The following GPRIN3 variants were observed in gnomAD, a reference collection of about 807,000 sequenced individuals.
GPRIN3 encodes G protein-regulated inducer of neurite outgrowth 3.
A neutral mutation model predicts 13.7 loss-of-function variants in GPRIN3; 12 were observed. That is an observed-to-expected ratio of 0.87 (90% CI 0.56 to 1.42). The LOEUF (loss-of-function observed/expected upper bound fraction) is 1.42, where lower values mean the gene tolerates loss of function less well. Ranked by LOEUF, GPRIN3 falls within the 40% of genes most tolerant of loss-of-function variation. The pLI, the probability that GPRIN3 is intolerant of heterozygous loss-of-function variation, is 0.00. For synonymous variants in GPRIN3, 377 were observed against 372.7 expected (o/e 1.01, Z -0.13); for missense variants, 1,009 against 958.7 (o/e 1.05, Z -0.69).
Position 89,239,353 on chromosome 4 carries a change from T to A in GPRIN3, c.*8427A>T, listed in dbSNP as rs1235376453. 6.6e-6 allele frequency: 1 copy of A among 152,152 alleles called. No homozygotes were observed. The highest frequency in any genetic ancestry group is 1.9e-4 in the East Asian group (1 of 5,190). The allele number at this position is 152,152 out of a possible 1,614,324, so 9.4% of individuals were successfully genotyped here. On this transcript the variant is annotated 3_prime_UTR_variant, in exon 2 of 2. Transcript: ENST00000609438. ...TATTATTCAAATTAATACACATCTTTCAAAAATAATCACATAAATTTATCT... is the reference window on the plus strand; with the variant it reads ...TATTATTCAAATTAATACACATCTTACAAAAATAATCACATAAATTTATCT...
chr4:89,287,480 C>A (rs1173041965), intron 1 of GPRIN3, among the ~76,000 whole-genome samples: 1 of 152,092 alleles, frequency 6.6e-6, no homozygotes, highest in African/African-American at 2.4e-5. Context: ...AAAAGCTGAG[C>A]CTTTGGGCAG....
chr4:89,306,664 T>TC (rs1345052948), intron 1 of GPRIN3, among the ~76,000 whole-genome samples: 1 of 152,126 alleles, frequency 6.6e-6, no homozygotes, highest in African/African-American at 2.4e-5. Flanking sequence ...GCTCTGTTTC[T>TC]CCCCTCCCCC....
chr4:89,250,999 T>C (rs1412279134), intron 1 of GPRIN3: 2 of 152,132 alleles, frequency 1.3e-5, no homozygotes, highest in East Asian at 3.8e-4. Context: ...ACCTGAATTT[T>C]ATGGCATGAC....
intron 1 of GPRIN3, among the ~76,000 whole-genome samples, chr4:89,301,263 T>A (rs1015426426): frequency 1.4e-4 from 22 of 151,986 alleles, no homozygotes; most frequent in African/African-American, 4.6e-4. Context: ...ACAACAATTT[T>A]AAAAAAATGT....
intron 1 of GPRIN3, among the ~76,000 whole-genome samples, chr4:89,283,999 G>T (rs570935200): frequency 6.6e-6 from 1 of 152,330 alleles, no homozygotes; most frequent in Admixed American, 6.5e-5. Flanking sequence ...AATCAGCTGT[G>T]CCCTCTGATT....
intron 1 of GPRIN3, among the ~76,000 whole-genome samples, chr4:89,268,963 A>G (rs1723854879): frequency 6.6e-6 from 1 of 152,210 alleles, no homozygotes. Flanking sequence ...AATGACTGTT[A>G]AGATAAACTT....
rs1722803516 is a variant in GPRIN3, at chr4:89,236,779, T to C, written c.*11001A>G. 6.6e-6 allele frequency: 1 copy of C among 152,306 alleles called. No individual in the cohort carries two copies. Among genetic ancestry groups the C allele is most frequent in the South Asian group, 2.1e-4 (1 of 4,828 alleles). The allele number at this position is 152,306 out of a possible 1,614,324, so 9.4% of individuals were successfully genotyped here. ...CCACAATATCTCTGTGATCATCCAA[T>C]TTATATGTCTCAAGTATCTGTGCCA... On this transcript the variant is annotated 3_prime_UTR_variant, in exon 2 of 2. Transcript: ENST00000609438.
chr4:89,263,833 T>G (rs1047313659), intron 1 of GPRIN3, among the ~76,000 whole-genome samples: 1 of 152,048 alleles, frequency 6.6e-6, no homozygotes, highest in African/African-American at 2.4e-5. Context: ...AGTAGCAGAG[T>G]TGAAATTCAA....
At chr4:89,286,081 A>ATGTGTG (rs148319671) in intron 1 of GPRIN3, among the ~76,000 whole-genome samples, 17 of 136,448 alleles carry the variant, frequency 1.2e-4, no homozygotes, top group Admixed American at 2.9e-4. Flanking sequence ...GTGTACGTGT[A>ATGTGTG]TGTGTGTGTG....
Position 89,241,711 on chromosome 4 carries a change from A to G in GPRIN3, c.*6069T>C, listed in dbSNP as rs987641465. ...GACACGATGGAAAACATTAGGAAAA[A>G]TAAGTTACGTAAAGATGTGATCTAA... On this transcript the variant is annotated 3_prime_UTR_variant, in exon 2 of 2. Coordinates refer to ENST00000609438, the MANE Select transcript of GPRIN3 (RefSeq NM_198281.3). 1 of 152,194 alleles carries G rather than the reference A, an allele frequency of 6.6e-6. No individual in the cohort carries two copies. The highest frequency in any genetic ancestry group is 2.4e-5 in the African/African-American group (1 of 41,446). 9.4% of individuals were successfully genotyped at this position (152,194 alleles called of 1,614,324 possible).
chr4:89,270,708 C>A (rs1218248895), intron 1 of GPRIN3, among the ~76,000 whole-genome samples: 1 of 150,602 alleles, frequency 6.6e-6, no homozygotes, highest in Non-Finnish European at 1.5e-5. Context: ...CTGGCTAATT[C>A]TTTTCGTATT....
At chr4:89,302,819 G>C (rs1724934506) in intron 1 of GPRIN3, among the ~76,000 whole-genome samples, 1 of 151,860 alleles carries the variant, frequency 6.6e-6, no homozygotes, top group Non-Finnish European at 1.5e-5. Context: ...TCACTAATTT[G>C]AACACTCTGA....
chr4:89,280,313 C>T (rs75073353), intron 1 of GPRIN3, among the ~76,000 whole-genome samples: 3,790 of 152,206 alleles, frequency 0.025, 145 homozygotes, highest in African/African-American at 0.085. Flanking sequence ...AAATTGCTGC[C>T]GGAGAAATTT....
In GPRIN3 at chr4:89,237,576, C is replaced by CA. The variant is rs1722818003; in HGVS notation, c.*10203dup. On this transcript the variant is annotated 3_prime_UTR_variant, in exon 2 of 2. Transcript: ENST00000609438. ...CAAACAGGCACCACACGTGAGCCGG[C>CA]AAGTAGGCCCTCACCAGACACCAAA... The CA allele has an allele frequency of 6.6e-6, 1 of 152,122 alleles. No individual in the cohort carries two copies. The highest frequency in any genetic ancestry group is 2.4e-5 in the African/African-American group (1 of 41,410). The allele number at this position is 152,122 out of a possible 1,614,324, so 9.4% of individuals were successfully genotyped here. A position where few individuals can be genotyped will look rare whatever the true frequency, so the allele number is the denominator to read the frequency against.
At chr4:89,274,989 C>T (rs1324033678) in intron 1 of GPRIN3, among the ~76,000 whole-genome samples, 2 of 152,126 alleles carry the variant, frequency 1.3e-5, no homozygotes, top group Admixed American at 6.6e-5. Context: ...AATGAGGAGG[C>T]TTGGATGGCT....
chr4:89,256,190 A>C (rs1002922558), intron 1 of GPRIN3, among the ~76,000 whole-genome samples: 113 of 152,274 alleles, frequency 7.4e-4, no homozygotes, highest in African/African-American at 2.6e-3. Flanking sequence ...AGAAAATGGA[A>C]AGAAAGAAAA....
chr4:89,292,616 G>A lies in GPRIN3; in HGVS notation c.-124+14999C>T, dbSNP rs540634360. ...CTCAAAGAATCTTGAAAATGGAAAG[G>A]TTCTCAGAAGACACAGAGGCCAACC... On this transcript the variant is annotated intron_variant, in intron 1 of 1. Transcript: ENST00000609438. Among the ~76,000 whole-genome samples the A allele has an allele frequency of 3.7e-4, 57 of 152,236 alleles. 1 individual carries two copies. Among genetic ancestry groups the A allele is most frequent in the African/African-American group, 1.3e-3 (53 of 41,546 alleles).
In GPRIN3 at chr4:89,246,308, C is replaced by G. The variant is rs1362372125; in HGVS notation, c.*1472G>C. 1 of 152,130 alleles carries G rather than the reference C, an allele frequency of 6.6e-6. No homozygotes were observed. The highest frequency in any genetic ancestry group is 2.4e-5 in the African/African-American group (1 of 41,416). 9.4% of individuals were successfully genotyped at this position (152,130 alleles called of 1,614,324 possible). On this transcript the variant is annotated 3_prime_UTR_variant, in exon 2 of 2. Transcript: ENST00000609438. ...GCATCTAAGTCTGGTTTTCTAAACG[C>G]AAAATGGAGACCAGCACTCCCCCAA...
rs536177332 is a variant in GPRIN3, at chr4:89,252,878, A to T, written c.-123-2645T>A. On this transcript the variant is annotated intron_variant, in intron 1 of 1. Coordinates refer to ENST00000609438, the MANE Select transcript of GPRIN3 (RefSeq NM_198281.3). ...TTCACTCTGTTTTGCATTTGTGTTTATTATACTTTTCCTCCCACTGTCTGC... is the reference window on the plus strand; with the variant it reads ...TTCACTCTGTTTTGCATTTGTGTTTTTTATACTTTTCCTCCCACTGTCTGC... 5.3e-5 allele frequency among the ~76,000 whole-genome samples: 8 copies of T among 152,110 alleles called. No homozygotes were observed. In the South Asian group the frequency reaches 1.5e-3, roughly 28 times the overall value.
Sources: gnomAD v4.1 joint callset for allele counts (sites outside exome capture counted in the v4.1 genomes callset) on GRCh38, gnomAD v4.1.1 for gene constraint, MANE v1.5 for transcripts, NCBI Gene and HGNC (gene_info 2026-07-23, HGNC 2026-07-21) for gene names.